Variants in ANKRD36C observed in about 807,000 individuals in gnomAD.
The protein encoded by ANKRD36C is ankyrin repeat domain 36C.
ANKRD36C carries 61 observed loss-of-function variants against 276.4 expected under a neutral mutation model. That is an observed-to-expected ratio of 0.22 (90% CI 0.18 to 0.27). The LOEUF is 0.27. ANKRD36C is among the 10% of genes least tolerant of loss of function. ANKRD36C has a pLI of 1.00. For missense variants in ANKRD36C, 1,447 were observed against 2,032.3 expected, an observed-to-expected ratio of 0.71 and a Z score of 5.54; for synonymous variants, 483 against 680.1, an observed-to-expected ratio of 0.71 and a Z score of 4.51.
intron 59 of ANKRD36C, among the ~76,000 whole-genome samples, chr2:95,869,375 T>C (rs1297018730): frequency 2.0e-5 from 3 of 152,244 alleles, no homozygotes; most frequent in Non-Finnish European, 4.4e-5. Flanking sequence ...TGTGGTACTA[T>C]AAAGGCAGTC....
Position 95,920,543 on chromosome 2 carries a change from T to C in ANKRD36C, c.2245+1064A>G, listed in dbSNP as rs1297156911. ...ATTTGCCTAAGTTTCTTGTATCCAC[T>C]AGTTTATCCCTCTGAAACTTTCTTC... On this transcript the variant is annotated intron_variant, in intron 34 of 66. Transcript: ENST00000456556. Among the ~76,000 whole-genome samples, 3 of 132,582 alleles carry C rather than the reference T, an allele frequency of 2.3e-5. 1 individual carries two copies. Among genetic ancestry groups the C allele is most frequent in the Non-Finnish European group, 5.0e-5 (3 of 59,734 alleles). The allele number at this position is 132,582 out of a possible 152,430, so 87.0% of individuals were successfully genotyped here. A position where few individuals can be genotyped will look rare whatever the true frequency, so the allele number is the denominator to read the frequency against.
chr2:95,895,739 G>C, intron 44 of ANKRD36C, 149 bp from the exon 61 acceptor site: 2 of 1,383,768 alleles, frequency 1.4e-6, no homozygotes, highest in Non-Finnish European at 2.0e-6. Context: ...GGACCAGAAG[G>C]TGACAGAAAT....
At position 95,884,207 on chromosome 2, in the gene ANKRD36C, G is replaced by A. The variant is rs773048840; in HGVS notation, c.3231C>T (p.Ala1077=). 5.6e-6 allele frequency: 9 copies of A among 1,609,304 alleles called. No homozygotes were observed. The African/African-American group carries it at 6.7e-5, about 12-fold the overall frequency. ...ATTTTTCTCCATCCTTTATTTCTCT[G>A]GCTATATTCGAAACAGAATCTTTCT... The change falls in exon 54 of 67, where the codon GCC becomes GCT. Residue 1077 remains alanine, a synonymous_variant. Coordinates refer to ENST00000456556, the Ensembl canonical transcript of ANKRD36C.
downstream of ANKRD36C, among the ~76,000 whole-genome samples, chr2:95,849,174 C>T (rs1427414434): frequency 5.9e-5 from 9 of 152,226 alleles, no homozygotes; most frequent in South Asian, 1.5e-3. Context: ...ATTCTCCCAC[C>T]TCAGCTTCCC....
chr2:95,859,445 A>G (rs558814994), intron 61 of ANKRD36C, among the ~76,000 whole-genome samples: 11 of 152,324 alleles, frequency 7.2e-5, no homozygotes, highest in African/African-American at 2.4e-4. Context: ...ATATTGATCA[A>G]AGATCTAAAA....
intron 8 of ANKRD36C, among the ~76,000 whole-genome samples, chr2:95,960,891 A>G (rs1411500549): frequency 6.6e-6 from 1 of 151,928 alleles, no homozygotes; most frequent in Non-Finnish European, 1.5e-5. Flanking sequence ...ATGTGATATT[A>G]TTCTTCATAT....
At chr2:95,987,477 TAA>T (rs1409252959) in intron 1 of ANKRD36C, among the ~76,000 whole-genome samples, 9 of 151,802 alleles carry the variant, frequency 5.9e-5, no homozygotes, top group Admixed American at 3.9e-4. Context: ...ATAAAATATA[TAA>T]GAGAATAGTA....
chr2:95,944,285 C>T (rs1180673193), intron 19 of ANKRD36C, among the ~76,000 whole-genome samples: 1 of 152,148 alleles, frequency 6.6e-6, no homozygotes, highest in Non-Finnish European at 1.5e-5. Flanking sequence ...ATTTGTGGAG[C>T]TGTTCTTTCA....
At chr2:95,956,909 A>C in intron 12 of ANKRD36C, 93 bp from the exon 13 acceptor site, 1 of 1,257,160 alleles carries the variant, frequency 8.0e-7, no homozygotes, top group Non-Finnish European at 1.1e-6. Context: ...TGTTCCTATA[A>C]TCTCAGCTAC....
intron 13 of ANKRD36C, 41 bp downstream of exon 13, chr2:95,956,745 C>CA (rs1191816831): frequency 6.6e-7 from 1 of 1,516,514 alleles, no homozygotes; most frequent in African/African-American, 1.4e-5. Context: ...TCTCTATTAA[C>CA]TAAGTTAACA....
intron 10 of ANKRD36C, among the ~76,000 whole-genome samples, chr2:95,959,561 T>G (rs1400832946): frequency 1.1e-4 from 16 of 152,174 alleles, no homozygotes; most frequent in Non-Finnish European, 2.4e-4. Context: ...CTTTTCCATT[T>G]GGAAATTGCT....
At chr2:95,874,211 G>A (rs1050448103) in intron 59 of ANKRD36C, among the ~76,000 whole-genome samples, 13 of 152,246 alleles carry the variant, frequency 8.5e-5, no homozygotes, top group South Asian at 2.1e-4. Context: ...AAAAGAGCCC[G>A]CATCACCAAG....
chr2:95,970,625 T>A (rs895878660), intron 6 of ANKRD36C, among the ~76,000 whole-genome samples: 3 of 152,208 alleles, frequency 2.0e-5, no homozygotes, highest in Non-Finnish European at 4.4e-5. Flanking sequence ...TATGACTCTC[T>A]TGGCATTTTT....
intron 64 of ANKRD36C, chr2:95,853,392 A>C (rs1459090200): frequency 4.9e-6 from 1 of 203,424 alleles, no homozygotes; most frequent in Admixed American, 5.6e-5. Context: ...CAGGAAAAAA[A>C]CTCTCTCAAT....
intron 12 of ANKRD36C, 63 bp from the exon 13 acceptor site, chr2:95,956,879 C>A: frequency 1.4e-6 from 2 of 1,419,088 alleles, no homozygotes; most frequent in Middle Eastern, 2.5e-4. Context: ...ATATTAAAAA[C>A]ATAAAAGAGC....
exon 63 of ANKRD36C, chr2:95,855,741 T>C: frequency 6.2e-7 from 1 of 1,613,708 alleles, no homozygotes; most frequent in Non-Finnish European, 8.5e-7. Flanking sequence ...AACATGAGAA[T>C]TCAAATTTTC....
At chr2:95,853,104 C>G (rs1675329675) in intron 64 of ANKRD36C, 1 of 152,288 alleles carries the variant, frequency 6.6e-6, no homozygotes, top group South Asian at 2.1e-4. Flanking sequence ...CAAATGCGAA[C>G]TGTCCATATT....
At chr2:95,887,234 C>T (rs1208845821) in intron 50 of ANKRD36C, among the ~76,000 whole-genome samples, 10 of 151,626 alleles carry the variant, frequency 6.6e-5, no homozygotes, top group Non-Finnish European at 1.0e-4. Flanking sequence ...ATCAACAAAA[C>T]GTGTAAGTCT....
intron 19 of ANKRD36C, among the ~76,000 whole-genome samples, chr2:95,943,340 C>T (rs1040136235): frequency 3.8e-4 from 58 of 151,784 alleles, no homozygotes; most frequent in African/African-American, 1.4e-3. Context: ...AAAAAATTAG[C>T]CGGGCGTGAT....
Sources: allele counts gnomAD v4.1 joint callset (sites outside exome capture counted in the v4.1 genomes callset), GRCh38; gene constraint gnomAD v4.1.1; transcripts MANE v1.5; gene names NCBI Gene and HGNC (gene_info 2026-07-23, HGNC 2026-07-21).